Variants in ZNF875 observed in about 807,000 individuals in gnomAD.
ZNF875 encodes the protein HKR1, GLI-Kruppel zinc finger family member.
ZNF875 carries 14 observed loss-of-function variants against 11.2 expected under a neutral mutation model. The observed-to-expected ratio is 1.26, with a 90% CI of 0.83 to 1.96. The LOEUF is 1.96. Ranked by LOEUF, ZNF875 falls within the 30% of genes most tolerant of loss-of-function variation. The pLI is 0.00. For missense variants in ZNF875, 752 were observed against 760.4 expected, an observed-to-expected ratio of 0.99 and a Z score of 0.13; for synonymous variants, 301 against 281.1, an observed-to-expected ratio of 1.07 and a Z score of -0.71.
At chr19:37,343,470 C>G (rs2036174445) in intron 2 of ZNF875, among the ~76,000 whole-genome samples, 2 of 151,602 alleles carry the variant, frequency 1.3e-5, no homozygotes, top group African/African-American at 4.9e-5. Flanking sequence ...CTGAGCTGAT[C>G]CTCTTGGCAT....
chr19:37,363,924 T>C lies in ZNF875; in HGVS notation c.*149T>C, dbSNP rs1424045118. On this transcript the variant is annotated 3_prime_UTR_variant, in exon 5 of 5. Transcript: ENST00000392153. Reference sequence around the variant, plus strand: ...TTCTGTGTGTGATTATGCATGAGACTGTACTGGTAAGACTTGTATCTCCAT... The same window carrying C: ...TTCTGTGTGTGATTATGCATGAGACCGTACTGGTAAGACTTGTATCTCCAT... 1.7e-5 allele frequency: 11 copies of C among 652,102 alleles called. No individual in the cohort carries two copies. In the East Asian group the frequency reaches 2.2e-4, roughly 13 times the overall value. 40.4% of individuals were successfully genotyped at this position (652,102 alleles called of 1,614,324 possible). A position where few individuals can be genotyped will look rare whatever the true frequency, so the allele number is the denominator to read the frequency against.
At chr19:37,313,156 C>T (rs1434988059), upstream of ZNF875, 1 of 152,126 alleles carries the variant, frequency 6.6e-6, no homozygotes, top group East Asian at 1.9e-4. Context: ...CTGCATGTGT[C>T]TGTGGTCTCT....
chr19:37,358,954 G>A (rs1018928141), intron 4 of ZNF875, among the ~76,000 whole-genome samples: 2 of 151,774 alleles, frequency 1.3e-5, no homozygotes, highest in Admixed American at 6.6e-5. Context: ...ATGCTGGAGT[G>A]CAGTGGCACA....
At chr19:37,355,910 G>A (rs747399021) in intron 4 of ZNF875, among the ~76,000 whole-genome samples, 5 of 152,186 alleles carry the variant, frequency 3.3e-5, no homozygotes, top group Non-Finnish European at 1.5e-5. Context: ...CTGATAGGTA[G>A]TTTTTCAGCC....
At chr19:37,340,093 C>T (rs1229349683) in intron 2 of ZNF875, among the ~76,000 whole-genome samples, 1 of 152,060 alleles carries the variant, frequency 6.6e-6, no homozygotes, top group Non-Finnish European at 1.5e-5. Flanking sequence ...AGTGATTCTC[C>T]TGCCTCAGCC....
chr19:37,335,501 A>G (rs1256943107), intron 2 of ZNF875, among the ~76,000 whole-genome samples: 1 of 152,240 alleles, frequency 6.6e-6, no homozygotes, highest in Non-Finnish European at 1.5e-5. Flanking sequence ...AAGACAAGAA[A>G]CAAAAAAGTA....
chr19:37,347,932 G>A (rs931272774), intron 4 of ZNF875, 60 bp downstream of exon 4: 4 of 995,876 alleles, frequency 4.0e-6, no homozygotes, highest in Admixed American at 1.8e-5. Context: ...GGAAGGAGGA[G>A]GCATCTCTCA....
At chr19:37,331,112 G>A (rs2145828256), upstream of ZNF875, among the ~76,000 whole-genome samples, 1 of 151,074 alleles carries the variant, frequency 6.6e-6, no homozygotes, top group East Asian at 2.0e-4. Context: ...GCGTGAACCT[G>A]GGAGGCGGAG....
chr19:37,345,436 G>A (rs531047941), intron 2 of ZNF875, among the ~76,000 whole-genome samples: 42 of 152,298 alleles, frequency 2.8e-4, no homozygotes, highest in Non-Finnish European at 5.0e-4. Flanking sequence ...GGATTCCCTG[G>A]GAAGGGTACA....
chr19:37,353,561 C>T (rs1252418637), intron 4 of ZNF875, among the ~76,000 whole-genome samples: 1 of 152,172 alleles, frequency 6.6e-6, no homozygotes, highest in Non-Finnish European at 1.5e-5. Flanking sequence ...ATACCATTTT[C>T]CTTCATCCTG....
chr19:37,319,399 A>C (rs991897714), intron 1 of ZNF875, among the ~76,000 whole-genome samples: 1 of 145,202 alleles, frequency 6.9e-6, no homozygotes, highest in African/African-American at 2.6e-5. Flanking sequence ...TATCTCCTAA[A>C]TCCTTTAAAA....
upstream of ZNF875, among the ~76,000 whole-genome samples, chr19:37,330,253 C>CT (rs2033167252): frequency 6.6e-6 from 1 of 152,098 alleles, no homozygotes; most frequent in Admixed American, 6.6e-5. Context: ...AAATACTTGA[C>CT]TTTTTTTGGT....
At chr19:37,358,300 C>G (rs2039292357) in intron 4 of ZNF875, among the ~76,000 whole-genome samples, 2 of 151,030 alleles carry the variant, frequency 1.3e-5, no homozygotes, top group South Asian at 2.1e-4. Context: ...CGCCCACCAC[C>G]AAGCCTGGCT....
chr19:37,332,474 C>T (rs1463846256), upstream of ZNF875, among the ~76,000 whole-genome samples: 1 of 152,162 alleles, frequency 6.6e-6, no homozygotes, highest in Non-Finnish European at 1.5e-5. Flanking sequence ...ACCTTGGCCT[C>T]CCAAAGTGCT....
chr19:37,347,542 G>T (rs1369147197), intron 3 of ZNF875: 4 of 610,558 alleles, frequency 6.6e-6, no homozygotes, highest in Non-Finnish European at 1.1e-5. Context: ...CAAGGCTTGT[G>T]CTCTCTCTTT....
At chr19:37,339,405 A>G (rs942608814) in intron 2 of ZNF875, among the ~76,000 whole-genome samples, 8 of 152,072 alleles carry the variant, frequency 5.3e-5, no homozygotes, top group Non-Finnish European at 8.8e-5. Flanking sequence ...AACTGTTGCA[A>G]ATAATACTTC....
intron 2 of ZNF875, among the ~76,000 whole-genome samples, chr19:37,336,219 A>G (rs1196290582): frequency 6.6e-6 from 1 of 151,896 alleles, no homozygotes; most frequent in Non-Finnish European, 1.5e-5. Context: ...GGAGGCGGCA[A>G]GGAAGCATAG....
intron 4 of ZNF875, chr19:37,329,039 A>G (rs559912335): frequency 6.6e-6 from 1 of 152,234 alleles, no homozygotes; most frequent in South Asian, 2.1e-4. Flanking sequence ...GTGAGACCCA[A>G]CAATCTGTGT....
At chr19:37,353,513 GC>G (rs2038321769) in intron 4 of ZNF875, among the ~76,000 whole-genome samples, 1 of 152,124 alleles carries the variant, frequency 6.6e-6, no homozygotes, top group African/African-American at 2.4e-5. Context: ...CATTTCTTAT[GC>G]TCTTCACTCC....
Sources: gnomAD v4.1 joint callset for allele counts (sites outside exome capture counted in the v4.1 genomes callset) on GRCh38, gnomAD v4.1.1 for gene constraint, MANE v1.5 for transcripts, NCBI Gene and HGNC (gene_info 2026-07-23, HGNC 2026-07-21) for gene names.